The following TRMT9B variants were observed in gnomAD, a reference collection of about 807,000 sequenced individuals.
The protein encoded by TRMT9B is tRNA methyltransferase 9B (putative), also known as probable tRNA methyltransferase 9B.
In TRMT9B, 16 loss-of-function variants were observed where a neutral mutation model predicts 11.5. The ratio of observed to expected loss-of-function variants is 1.39; its 90% confidence interval spans 0.94 to 2.11. The LOEUF (loss-of-function observed/expected upper bound fraction) is 2.11. TRMT9B is among the 30% of genes most tolerant of loss of function. The pLI is 0.00. For missense variants in TRMT9B, 941 were observed against 553.8 expected (o/e 1.70, Z -7.02); for synonymous variants, 274 against 192.4 (o/e 1.42, Z -3.51).
In TRMT9B at chr8:13,012,738, G is replaced by C. The variant is rs1167713935; in HGVS notation, c.209G>C (p.Cys70Ser). The change falls in exon 4 of 5, where the codon TGT becomes TCT. Residue 70 changes from cysteine to serine, a missense_variant. Coordinates refer to ENST00000524591, the MANE Select transcript of TRMT9B (RefSeq NM_020844.3). ...AACAGCCAGGTACATACCGTGGGCT[G>C]TGACTACTGTGGGCCACTGGTAGAG... ...KVNSQVHTVGCDYCGPLVEIA... is the reference protein window; with the variant it reads ...KVNSQVHTVGSDYCGPLVEIA... The C allele has an allele frequency of 3.1e-6, 5 of 1,614,036 alleles. No homozygotes were observed. The highest frequency in any genetic ancestry group is 4.2e-6 in the Non-Finnish European group (5 of 1,179,882).
Position 13,021,755 on chromosome 8 carries a change from G to T in TRMT9B, c.1076G>T (p.Cys359Phe), listed in dbSNP as rs1813961604. ...FLDSTNTGVN[C>F]VDAGNIEDDN... ...GATAGCACTAATACTGGTGTGAATT[G>T]TGTGGATGCAGGCAACATAGAAGAT... The change falls in exon 5 of 5, where the codon TGT (cysteine) becomes TTT (phenylalanine). Residue 359 changes from cysteine (C) to phenylalanine (F), a missense_variant. Transcript: ENST00000524591. The T allele has an allele frequency of 1.9e-6, 3 of 1,613,984 alleles. No individual in the cohort carries two copies. Among genetic ancestry groups the T allele is most frequent in the Non-Finnish European group, 1.7e-6 (2 of 1,179,896 alleles).
chr8:13,009,653 T>G (rs1426678485), intron 3 of TRMT9B, among the ~76,000 whole-genome samples: 1 of 152,212 alleles, frequency 6.6e-6, no homozygotes, highest in Non-Finnish European at 1.5e-5. Flanking sequence ...GGTAGTATAC[T>G]ATAAAAACAA....
intron 3 of TRMT9B, chr8:13,011,507 GGCTC>G (rs1811606732): frequency 1.0e-6 from 1 of 969,134 alleles, no homozygotes; most frequent in African/African-American, 1.8e-5. Context: ...TACAAATATA[GGCTC>G]TAATGATTTC....
At position 13,022,198 on chromosome 8, in the gene TRMT9B, T is replaced by C. The variant is rs476023; in HGVS notation, c.*154T>C. The C allele has an allele frequency of 1.2e-5, 7 of 583,876 alleles. No individual in the cohort carries two copies. Among genetic ancestry groups the C allele is most frequent in the African/African-American group, 1.9e-5 (1 of 52,318 alleles). 36.2% of individuals were successfully genotyped at this position (583,876 alleles called of 1,614,324 possible). ...AATTATTTGGTTGTTTTGTTTTCAT[T>C]TTTGAATAAGCACAGATTCTGGCAT... On this transcript the variant is annotated 3_prime_UTR_variant, in exon 5 of 5. Coordinates refer to ENST00000524591, the MANE Select transcript of TRMT9B (RefSeq NM_020844.3).
chr8:12,958,939 T>G (rs1324397930), intron 1 of TRMT9B, among the ~76,000 whole-genome samples: 1 of 152,036 alleles, frequency 6.6e-6, no homozygotes, highest in Non-Finnish European at 1.5e-5. Flanking sequence ...CACCGGGGCT[T>G]GTCAGGGGTC....
chr8:12,990,974 G>T lies in TRMT9B; in HGVS notation c.-59G>T. 1 of 1,287,160 alleles carries T rather than the reference G, an allele frequency of 7.8e-7. No homozygotes were observed. Among genetic ancestry groups the T allele is most frequent in the Non-Finnish European group, 1.0e-6 (1 of 987,398 alleles). 79.7% of individuals were successfully genotyped at this position (1,287,160 alleles called of 1,614,324 possible). A position where few individuals can be genotyped will look rare whatever the true frequency, so the allele number is the denominator to read the frequency against. On this transcript the variant is annotated 5_prime_UTR_variant, in exon 2 of 5. Transcript: ENST00000524591. ...GCAACTGTCACTCTCTGGAGGTGGAGACTGCCGTGATTCACAAAGACAAGA... is the reference window on the plus strand; with the variant it reads ...GCAACTGTCACTCTCTGGAGGTGGATACTGCCGTGATTCACAAAGACAAGA...
At chr8:13,011,770 A>G (rs1437789475) in intron 3 of TRMT9B, 1 of 962,314 alleles carries the variant, frequency 1.0e-6, no homozygotes, top group Non-Finnish European at 1.2e-6. Flanking sequence ...AGTTTTTATA[A>G]TCTGAGTTGT....
chr8:12,992,505 A>G (rs1373971401), intron 2 of TRMT9B, among the ~76,000 whole-genome samples: 2 of 152,064 alleles, frequency 1.3e-5, no homozygotes, highest in South Asian at 2.1e-4. Context: ...TCTCTGTGGT[A>G]TCTGAAGGAC....
At chr8:13,005,479 A>T (rs746388402) in intron 2 of TRMT9B, among the ~76,000 whole-genome samples, 2 of 152,128 alleles carry the variant, frequency 1.3e-5, no homozygotes, top group Non-Finnish European at 2.9e-5. Context: ...GGTGATGAAC[A>T]CCCCATTCTC....
chr8:13,012,683 G>T lies in TRMT9B; in HGVS notation c.155-1G>T, dbSNP rs757868573. 1 of 1,611,800 alleles carries T rather than the reference G, an allele frequency of 6.2e-7. No homozygotes were observed. Among genetic ancestry groups the T allele is most frequent in the South Asian group, 1.1e-5 (1 of 90,752 alleles). On this transcript the variant is annotated splice_acceptor_variant, in intron 3 of 4. Coordinates refer to ENST00000524591, the MANE Select transcript of TRMT9B (RefSeq NM_020844.3). LOFTEE classifies it high-confidence loss of function. ...ATGTAACGCAGGTTTTTCTCTTATA[G>T]GTTGTGGGACTGGAAAATATCTTAA...
intron 1 of TRMT9B, among the ~76,000 whole-genome samples, chr8:12,979,549 T>C (rs2460907): frequency 0.039 from 5,863 of 152,274 alleles, 155 homozygotes; most frequent in African/African-American, 0.068. Context: ...CTTCCTGCCT[T>C]CTTGAATTCC....
intron 1 of TRMT9B, among the ~76,000 whole-genome samples, chr8:12,973,075 G>C (rs2977076): frequency 6.6e-6 from 1 of 152,056 alleles, no homozygotes; most frequent in Admixed American, 6.5e-5. Context: ...CATGAGTGGA[G>C]TCATGCAGTG....
intron 1 of TRMT9B, among the ~76,000 whole-genome samples, chr8:12,979,225 C>T (rs1224233433): frequency 6.6e-6 from 1 of 152,150 alleles, no homozygotes; most frequent in African/African-American, 2.4e-5. Context: ...GTTCTCAGGG[C>T]CCAGTTTTGA....
intron 2 of TRMT9B, among the ~76,000 whole-genome samples, chr8:12,997,828 G>C (rs942879423): frequency 6.6e-6 from 1 of 152,144 alleles, no homozygotes; most frequent in Admixed American, 6.5e-5. Flanking sequence ...CTGTCAGGCG[G>C]TTTTCCAAAC....
intron 4 of TRMT9B, among the ~76,000 whole-genome samples, chr8:13,020,121 C>G (rs1051156663): frequency 2.6e-5 from 4 of 152,200 alleles, no homozygotes; most frequent in African/African-American, 9.6e-5. Flanking sequence ...TATTTTGACC[C>G]TTAGAGCAAC....
At chr8:13,004,919 A>G (rs1236981806) in intron 2 of TRMT9B, among the ~76,000 whole-genome samples, 1 of 151,968 alleles carries the variant, frequency 6.6e-6, no homozygotes, top group Non-Finnish European at 1.5e-5. Flanking sequence ...CAGCCACAGT[A>G]CACTAGAACA....
intron 4 of TRMT9B, among the ~76,000 whole-genome samples, chr8:13,015,185 C>G (rs1445371188): frequency 1.3e-5 from 2 of 151,610 alleles, no homozygotes; most frequent in African/African-American, 2.4e-5. Context: ...ACTAAACCTT[C>G]AAATTGTTAT....
At chr8:13,003,613 T>C (rs376589148) in intron 2 of TRMT9B, among the ~76,000 whole-genome samples, 1 of 151,890 alleles carries the variant, frequency 6.6e-6, no homozygotes, top group African/African-American at 2.4e-5. Flanking sequence ...TTAAGAGGTC[T>C]GGTGAGGCCA....
In TRMT9B at chr8:13,025,375, AG is replaced by A. The variant is rs1375180016; in HGVS notation, c.*3333del. Reference sequence around the variant, plus strand: ...CTTTATTAAATACAAAAAATTAGCCAGGTTGGTGGCGCATGCCTGTAATCCC... The same window carrying A: ...CTTTATTAAATACAAAAAATTAGCCAGTTGGTGGCGCATGCCTGTAATCCC... On this transcript the variant is annotated 3_prime_UTR_variant, in exon 5 of 5. Transcript: ENST00000524591. 2 of 159,454 alleles carry A rather than the reference AG, an allele frequency of 1.3e-5. No individual in the cohort carries two copies. Among genetic ancestry groups the A allele is most frequent in the Non-Finnish European group, 2.9e-5 (2 of 68,204 alleles). 9.9% of individuals were successfully genotyped at this position (159,454 alleles called of 1,614,324 possible). A position where few individuals can be genotyped will look rare whatever the true frequency, so the allele number is the denominator to read the frequency against.
Sources: gnomAD v4.1 joint callset for allele counts (sites outside exome capture counted in the v4.1 genomes callset) on GRCh38, gnomAD v4.1.1 for gene constraint, MANE v1.5 for transcripts, NCBI Gene and HGNC (gene_info 2026-07-23, HGNC 2026-07-21) for gene names.